Variants in KAT6B observed in about 807,000 individuals in gnomAD.
KAT6B encodes lysine acetyltransferase 6B, also known as histone acetyltransferase KAT6B.
KAT6B carries 10 observed loss-of-function variants against 187.5 expected under a neutral mutation model. That is an observed-to-expected ratio of 0.05 (90% CI 0.03 to 0.09). The LOEUF is 0.09. Ranked by LOEUF, KAT6B falls within the 10% of genes least tolerant of loss-of-function variation. The pLI, the probability that KAT6B is intolerant of heterozygous loss-of-function variation, is 1.00. For missense variants in KAT6B, 1,952 were observed against 2,558.9 expected (o/e 0.76, Z 5.12); for synonymous variants, 861 against 926.8 (o/e 0.93, Z 1.29).
chr10:74,994,536 A>G (rs1843300053), intron 13 of KAT6B, among the ~76,000 whole-genome samples: 1 of 152,048 alleles, frequency 6.6e-6, no homozygotes, highest in South Asian at 2.1e-4. Context: ...TAATCCCAGC[A>G]CTTTGGGAGG....
At chr10:74,910,959 T>C (rs975661508) in intron 3 of KAT6B, among the ~76,000 whole-genome samples, 3 of 152,252 alleles carry the variant, frequency 2.0e-5, no homozygotes, top group African/African-American at 7.2e-5. Context: ...AAGTGTCTTC[T>C]GTATTTTTCT....
intron 3 of KAT6B, among the ~76,000 whole-genome samples, chr10:74,940,279 T>C (rs186933497): frequency 0.021 from 2,565 of 122,216 alleles, 60 homozygotes; most frequent in African/African-American, 0.071. Context: ...ATTTTTCCCC[T>C]TTTTTTTTTT....
At chr10:74,851,169 G>A (rs1045230737) in intron 3 of KAT6B, among the ~76,000 whole-genome samples, 21 of 151,720 alleles carry the variant, frequency 1.4e-4, no homozygotes, top group African/African-American at 3.9e-4. Flanking sequence ...GTGCAGTGGC[G>A]CAATCTCGGC....
rs796252241 is a variant in KAT6B at position 74,920,679 on chromosome 10, A to G, written c.622-39291A>G. On this transcript the variant is annotated intron_variant, in intron 3 of 17. Transcript: ENST00000287239. ...CCCTTCTCATATAGCATTTAATACA[A>G]TGATAGGTGGATAATTGGTTCTCTT... Among the ~76,000 whole-genome samples, 3 of 152,178 alleles carry G rather than the reference A, an allele frequency of 2.0e-5. No homozygotes were observed. The South Asian group carries it at 6.2e-4, about 32-fold the overall frequency.
chr10:74,940,686 ATCCTCCCACC>A (rs1363219172), intron 3 of KAT6B, among the ~76,000 whole-genome samples: 3 of 151,602 alleles, frequency 2.0e-5, no homozygotes, highest in African/African-American at 7.3e-5. Context: ...GCTTCAAGCA[ATCCTCCCACC>A]TCAGTCTATC....
chr10:74,937,715 C>T (rs1300504696), intron 3 of KAT6B, among the ~76,000 whole-genome samples: 1 of 152,220 alleles, frequency 6.6e-6, no homozygotes, highest in Non-Finnish European at 1.5e-5. Flanking sequence ...TACCTCTCTT[C>T]TTGCATTTTA....
At chr10:75,004,969 C>T (rs1844104259) in intron 13 of KAT6B, among the ~76,000 whole-genome samples, 4 of 152,018 alleles carry the variant, frequency 2.6e-5, no homozygotes, top group Admixed American at 2.6e-4. Flanking sequence ...CCTGCCTCGG[C>T]CTCCCAAGGC....
chr10:74,830,748 A>ATATATATATATATATATATATATATATG (rs1840716302), intron 1 of KAT6B, among the ~76,000 whole-genome samples: 12 of 19,048 alleles, frequency 6.3e-4, no homozygotes, highest in East Asian at 1.4e-3. Context: ...ATATATATAT[A>ATATATATATATATATATATATATATATG]TATATATATA....
At chr10:74,977,964 C>T (rs1268592308) in intron 9 of KAT6B, among the ~76,000 whole-genome samples, 1 of 152,132 alleles carries the variant, frequency 6.6e-6, no homozygotes, top group African/African-American at 2.4e-5. Context: ...TTTAATTCTG[C>T]TTAAGTTATT....
chr10:74,938,846 C>T (rs947515973), intron 3 of KAT6B, among the ~76,000 whole-genome samples: 3 of 151,866 alleles, frequency 2.0e-5, no homozygotes, highest in Non-Finnish European at 4.4e-5. Flanking sequence ...AAGCAATTCT[C>T]GTGCCTCAGC....
chr10:74,870,728 G>A (rs562078791), intron 3 of KAT6B, among the ~76,000 whole-genome samples: 4 of 150,906 alleles, frequency 2.7e-5, no homozygotes, highest in East Asian at 2.0e-4. Flanking sequence ...ACAGGCATGC[G>A]CCACCACGCC....
chr10:74,937,206 C>T (rs1412341023), intron 3 of KAT6B, among the ~76,000 whole-genome samples: 1 of 152,154 alleles, frequency 6.6e-6, no homozygotes, highest in Non-Finnish European at 1.5e-5. Context: ...TTAGCTTAAT[C>T]TCTAAAAAGC....
At chr10:74,834,489 C>A (rs996872795) in intron 1 of KAT6B, among the ~76,000 whole-genome samples, 1 of 152,064 alleles carries the variant, frequency 6.6e-6, no homozygotes, top group Admixed American at 6.5e-5. Context: ...AGCCACTGTG[C>A]CTGGCCTATT....
At chr10:75,007,342 TC>T (rs1844284116) in intron 13 of KAT6B, among the ~76,000 whole-genome samples, 1 of 151,952 alleles carries the variant, frequency 6.6e-6, no homozygotes, top group Admixed American at 6.6e-5. Flanking sequence ...AAGTAGGAGA[TC>T]AGCAAAATCC....
At chr10:74,848,519 G>C (rs1225661586) in intron 3 of KAT6B, among the ~76,000 whole-genome samples, 2 of 150,648 alleles carry the variant, frequency 1.3e-5, no homozygotes, top group African/African-American at 4.9e-5. Flanking sequence ...ACAACAACAA[G>C]AACAACAACA....
At chr10:74,883,545 T>C (rs867914951) in intron 3 of KAT6B, among the ~76,000 whole-genome samples, 3 of 152,168 alleles carry the variant, frequency 2.0e-5, no homozygotes, top group South Asian at 2.1e-4. Flanking sequence ...AGTTGTAGGC[T>C]TTAAGATCCA....
intron 13 of KAT6B, among the ~76,000 whole-genome samples, chr10:75,010,429 A>G (rs1844513891): frequency 6.6e-6 from 1 of 152,260 alleles, no homozygotes; most frequent in Admixed American, 6.5e-5. Context: ...GAAAATTTCT[A>G]AGGAGATTTG....
intron 3 of KAT6B, among the ~76,000 whole-genome samples, chr10:74,892,663 C>A (rs1230643856): frequency 6.6e-6 from 1 of 152,134 alleles, no homozygotes; most frequent in South Asian, 2.1e-4. Context: ...TTTCTGTCCT[C>A]CCCTAGTCAT....
chr10:74,873,203 A>G (rs984214724), intron 3 of KAT6B, among the ~76,000 whole-genome samples: 2 of 151,936 alleles, frequency 1.3e-5, no homozygotes, highest in Admixed American at 1.3e-4. Context: ...GCTCACGGCT[A>G]TAATTTCAGT....
Sources: allele counts gnomAD v4.1 joint callset (sites outside exome capture counted in the v4.1 genomes callset), GRCh38; gene constraint gnomAD v4.1.1; transcripts MANE v1.5; gene names NCBI Gene and HGNC (gene_info 2026-07-23, HGNC 2026-07-21).